AATF: variants seen among roughly 807,000 people sequenced by gnomAD.
AATF encodes apoptosis antagonizing transcription factor.
A neutral mutation model predicts 63.7 loss-of-function variants in AATF; 48 were observed. The ratio of observed to expected loss-of-function variants is 0.75; its 90% confidence interval spans 0.60 to 0.96. AATF has a LOEUF of 0.96. Ranked by LOEUF, AATF falls within the 40% of genes least tolerant of loss-of-function variation. AATF has a pLI of 0.00. For missense variants in AATF, 639 were observed against 685.7 expected (o/e 0.93, Z 0.76); for synonymous variants, 258 against 247.7 (o/e 1.04, Z -0.39).
Position 37,031,645 on chromosome 17 carries a change from A to G in AATF, c.1579A>G (p.Met527Val), listed in dbSNP as rs779232104. ...FHVLSKLLSF[M>V]APIDHTTMND... ...TGTCCTTAGCAAGCTACTGAGTTTC[A>G]TGGCACCTATTGACCATACTACAAT... The change falls in exon 11 of 12, where the codon ATG becomes GTG. Residue 527 changes from methionine (M) to valine (V), a missense_variant. Physicochemically the swap from Met to Val is conservative, Grantham distance 21. Transcript: ENST00000619387. 3.7e-6 allele frequency: 6 copies of G among 1,614,148 alleles called. No homozygotes were observed. The highest frequency in any genetic ancestry group is 5.1e-6 in the Non-Finnish European group (6 of 1,180,020).
chr17:36,996,191 G>T (rs2071253376), intron 8 of AATF, among the ~76,000 whole-genome samples: 1 of 152,200 alleles, frequency 6.6e-6, no homozygotes, highest in African/African-American at 2.4e-5. Context: ...CAGCACTTTG[G>T]GAGGCCAAAG....
intron 4 of AATF, among the ~76,000 whole-genome samples, chr17:36,979,730 C>T (rs917871389): frequency 6.6e-5 from 10 of 152,156 alleles, no homozygotes; most frequent in South Asian, 2.1e-4. Context: ...TCTCGCTTCA[C>T]GCCATTGCCA....
chr17:37,017,933 G>T (rs1183818374), intron 8 of AATF, among the ~76,000 whole-genome samples: 1 of 152,162 alleles, frequency 6.6e-6, no homozygotes, highest in East Asian at 1.9e-4. Flanking sequence ...TTGATTTGAT[G>T]AAATATCTCT....
chr17:36,990,516 T>A (rs1162999236), intron 7 of AATF, among the ~76,000 whole-genome samples: 1 of 152,204 alleles, frequency 6.6e-6, no homozygotes. Context: ...AATGGTATCT[T>A]CTAATTCTAA....
At chr17:37,055,638 C>T (rs934154246) in intron 11 of AATF, 3 of 152,182 alleles carry the variant, frequency 2.0e-5, no homozygotes, top group African/African-American at 7.2e-5. Flanking sequence ...TGACCTCAGC[C>T]CTGTGTGCGC....
intron 4 of AATF, among the ~76,000 whole-genome samples, chr17:36,984,950 G>A (rs910359479): frequency 6.7e-6 from 1 of 148,408 alleles, no homozygotes; most frequent in Middle Eastern, 3.2e-3. Flanking sequence ...CGCCCGGGCT[G>A]GAGTAAAGTG....
chr17:37,008,923 A>T lies in AATF; in HGVS notation c.1399-10082A>T, dbSNP rs76084390. Among the ~76,000 whole-genome samples the T allele has an allele frequency of 2.4e-3, 368 of 152,330 alleles. 1 individual carries two copies. Among genetic ancestry groups the T allele is most frequent in the African/African-American group, 8.2e-3 (341 of 41,576 alleles). ...ATGTCAAGACATCTGTCTTGCAGTA[A>T]AAGGACCAACTTAAAGAGACTACAG... On this transcript the variant is annotated intron_variant, in intron 8 of 11. Coordinates refer to ENST00000619387, the MANE Select transcript of AATF (RefSeq NM_012138.4).
chr17:36,958,662 C>T (rs1443949046), intron 4 of AATF, among the ~76,000 whole-genome samples: 1 of 152,140 alleles, frequency 6.6e-6, no homozygotes, highest in East Asian at 1.9e-4. Flanking sequence ...CCAGCTTAAG[C>T]AATAATCAAT....
At chr17:36,968,086 C>T (rs1350090466) in intron 4 of AATF, among the ~76,000 whole-genome samples, 1 of 151,192 alleles carries the variant, frequency 6.6e-6, no homozygotes, top group East Asian at 1.9e-4. Flanking sequence ...TCTCTGTCCT[C>T]TCTCTTTCTG....
In AATF at chr17:37,020,973, C is replaced by T; in HGVS notation, c.1506C>T (p.His502=). The T allele has an allele frequency of 6.2e-7, 1 of 1,610,234 alleles. No homozygotes were observed. Among genetic ancestry groups the T allele is most frequent in the Non-Finnish European group, 8.5e-7 (1 of 1,178,358 alleles). ...TCCAGAAGTTACGAAGCAAAATCCA[C>T]AAAAAAGTAGATAGGAAAGCCAGCA... is the stretch of plus-strand genomic sequence containing the variant. ...LAIQKLRSKI[H]KKVDRKASKG... Residue 502 remains histidine, a synonymous_variant, in exon 10 of 12, where the codon CAC becomes CAT. Transcript: ENST00000619387.
chr17:36,971,243 C>A (rs1039310017), intron 4 of AATF, among the ~76,000 whole-genome samples: 2 of 149,686 alleles, frequency 1.3e-5, no homozygotes, highest in African/African-American at 4.9e-5. Flanking sequence ...AATACCCATT[C>A]AAAAAAAAAT....
chr17:36,952,858 TTC>T, intron 2 of AATF, 26 bp from the exon 3 acceptor site: 1 of 1,599,760 alleles, frequency 6.3e-7, no homozygotes, highest in Non-Finnish European at 8.5e-7. Context: ...ATACCCATTT[TTC>T]TCTTTCTTCC....
At chr17:36,958,958 A>G (rs2070924173) in intron 4 of AATF, among the ~76,000 whole-genome samples, 1 of 151,950 alleles carries the variant, frequency 6.6e-6, no homozygotes, top group East Asian at 1.9e-4. Context: ...CAACCTGACC[A>G]ACATTATGAA....
intron 4 of AATF, among the ~76,000 whole-genome samples, chr17:36,964,875 A>G (rs552932434): frequency 1.3e-5 from 2 of 151,244 alleles, no homozygotes; most frequent in South Asian, 4.2e-4. Flanking sequence ...GGAGTAGTGC[A>G]CAGCTGTGCT....
intron 4 of AATF, among the ~76,000 whole-genome samples, chr17:36,964,280 G>T (rs1227940143): frequency 6.7e-6 from 1 of 150,144 alleles, no homozygotes; most frequent in South Asian, 2.1e-4. Flanking sequence ...GACATCTGTT[G>T]TCACAGTGTC....
At chr17:36,988,273 G>T (rs144972663) in intron 5 of AATF, among the ~76,000 whole-genome samples, 1 of 152,140 alleles carries the variant, frequency 6.6e-6, no homozygotes, top group East Asian at 1.9e-4. Flanking sequence ...CCAAGATCGC[G>T]CCACTGCACT....
At chr17:36,969,224 A>G (rs1312023046) in intron 4 of AATF, among the ~76,000 whole-genome samples, 1 of 152,174 alleles carries the variant, frequency 6.6e-6, no homozygotes, top group East Asian at 1.9e-4. Flanking sequence ...GCTCTTTATG[A>G]GATCAAAATC....
At chr17:36,975,251 G>C (rs187291299) in intron 4 of AATF, among the ~76,000 whole-genome samples, 6 of 151,278 alleles carry the variant, frequency 4.0e-5, no homozygotes, top group African/African-American at 1.5e-4. Context: ...CTTTTTTTTC[G>C]TTAAAATTAA....
intron 11 of AATF, among the ~76,000 whole-genome samples, chr17:37,039,459 T>G (rs1355895015): frequency 6.6e-6 from 1 of 152,232 alleles, no homozygotes; most frequent in Non-Finnish European, 1.5e-5. Context: ...CCTCTCTTCC[T>G]TATCAGATTA....
Sources: gnomAD v4.1 joint callset for allele counts (sites outside exome capture counted in the v4.1 genomes callset) on GRCh38, gnomAD v4.1.1 for gene constraint, MANE v1.5 for transcripts, NCBI Gene and HGNC (gene_info 2026-07-23, HGNC 2026-07-21) for gene names.